Variants in CSMD1 observed in about 807,000 individuals in gnomAD.
The protein encoded by CSMD1 is CUB and Sushi multiple domains 1, also known as CUB and sushi domain-containing protein 1.
A neutral mutation model predicts 417.5 loss-of-function variants in CSMD1; 213 were observed. The ratio of observed to expected loss-of-function variants is 0.51; its 90% CI spans 0.46 to 0.57. CSMD1 has a LOEUF of 0.57. Among genes scored for constraint, CSMD1 ranks in the 20% least tolerant of loss-of-function variants. The pLI is 0.00. For synonymous variants in CSMD1, 2,862 were observed against 1,736.8 expected, an observed-to-expected ratio of 1.65 and a Z score of -16.11; for missense variants, 6,923 against 4,529.7, an observed-to-expected ratio of 1.53 and a Z score of -15.17.
chr8:4,903,155 A>C (rs1340881098), intron 1 of CSMD1, among the ~76,000 whole-genome samples: 1 of 152,240 alleles, frequency 6.6e-6, no homozygotes, highest in African/African-American at 2.4e-5. Context: ...AATCTTGAAC[A>C]GTTTGTAATG....
intron 7 of CSMD1, among the ~76,000 whole-genome samples, chr8:3,674,318 C>G (rs987925760): frequency 1.3e-5 from 2 of 152,140 alleles, no homozygotes; most frequent in African/African-American, 2.4e-5. Context: ...ATTCTTTGAA[C>G]TTACCATGTA....
intron 6 of CSMD1, among the ~76,000 whole-genome samples, chr8:3,749,563 G>A (rs775544958): frequency 6.6e-6 from 1 of 152,198 alleles, no homozygotes; most frequent in Non-Finnish European, 1.5e-5. Context: ...TATGTTGGTT[G>A]TCATTTATTT....
chr8:4,706,300 C>A (rs1396024034), intron 1 of CSMD1, among the ~76,000 whole-genome samples: 1 of 151,946 alleles, frequency 6.6e-6, no homozygotes, highest in Admixed American at 6.5e-5. Context: ...CTTACATGTA[C>A]CCCATGAAAT....
At chr8:4,192,909 T>C (rs531437189) in intron 3 of CSMD1, among the ~76,000 whole-genome samples, 12 of 152,306 alleles carry the variant, frequency 7.9e-5, no homozygotes, top group Admixed American at 3.3e-4. Flanking sequence ...TTTAAGGACA[T>C]ACTCACTTTA....
chr8:2,973,235 G>A lies in CSMD1; in HGVS notation c.8805C>T (p.Asp2935=). ...AGCGGAGAAGACTCTTTGTCTTAAAGTCATCACCAAGCCGAGACCCATGTG... is the reference window on the plus strand; with the variant it reads ...AGCGGAGAAGACTCTTTGTCTTAAAATCATCACCAAGCCGAGACCCATGTG... ...TPAHGSRLGD[D]FKTKSLLRFS... is the part of the protein sequence containing the mutation. Residue 2935 remains aspartate, a synonymous_variant, in exon 57 of 70, where the codon GAC becomes GAT. Transcript: ENST00000635120. 9.9e-6 allele frequency: 16 copies of A among 1,613,946 alleles called. No homozygotes were observed. Among genetic ancestry groups the A allele is most frequent in the Non-Finnish European group, 1.1e-5 (13 of 1,179,864 alleles).
intron 48 of CSMD1, among the ~76,000 whole-genome samples, chr8:3,088,435 C>A (rs1489897061): frequency 6.6e-6 from 1 of 152,140 alleles, no homozygotes; most frequent in Non-Finnish European, 1.5e-5. Flanking sequence ...TATAAAAGCA[C>A]ACACACGCAG....
chr8:4,042,972 G>GA (rs148720607), intron 3 of CSMD1, among the ~76,000 whole-genome samples: 6,224 of 149,388 alleles, frequency 0.042, 389 homozygotes, highest in African/African-American at 0.13. Context: ...CTAAATATGG[G>GA]AAAAAAAAAA....
intron 1 of CSMD1, among the ~76,000 whole-genome samples, chr8:4,721,848 A>T (rs957552700): frequency 7.9e-5 from 12 of 152,210 alleles, no homozygotes; most frequent in African/African-American, 2.9e-4. Context: ...TCAGCTTTAC[A>T]AAAGGAGATA....
chr8:4,840,813 G>A lies in CSMD1; in HGVS notation c.85+153519C>T, dbSNP rs572533705. Among the ~76,000 whole-genome samples, 63 of 152,224 alleles carry A rather than the reference G, an allele frequency of 4.1e-4. 1 individual carries two copies. Among genetic ancestry groups the A allele is most frequent in the Non-Finnish European group, 8.1e-4 (55 of 68,010 alleles). On this transcript the variant is annotated intron_variant, in intron 1 of 69. Coordinates refer to ENST00000635120, the MANE Select transcript of CSMD1 (RefSeq NM_033225.6). ...TGCACAGGGCTTTTATACCAGGTAGGATTAAGTATAGAATCATGAGTAATC... is the reference window on the plus strand; with the variant it reads ...TGCACAGGGCTTTTATACCAGGTAGAATTAAGTATAGAATCATGAGTAATC...
At chr8:4,763,286 G>GTAGA (rs1812236600) in intron 1 of CSMD1, among the ~76,000 whole-genome samples, 1 of 152,084 alleles carries the variant, frequency 6.6e-6, no homozygotes, top group Non-Finnish European at 1.5e-5. Context: ...CATGTGCTTT[G>GTAGA]TAGATATAAA....
intron 2 of CSMD1, among the ~76,000 whole-genome samples, chr8:4,492,759 A>G (rs1480361075): frequency 6.6e-6 from 1 of 152,228 alleles, no homozygotes; most frequent in East Asian, 1.9e-4. Flanking sequence ...AAGCAACTCT[A>G]TGGGACACAA....
intron 3 of CSMD1, among the ~76,000 whole-genome samples, chr8:4,326,954 G>T (rs573573246): frequency 6.6e-6 from 1 of 152,164 alleles, no homozygotes; most frequent in East Asian, 1.9e-4. Flanking sequence ...CTTTGGAAGT[G>T]CAGGTGAAAA....
chr8:4,701,097 G>T (rs188690814), intron 1 of CSMD1, among the ~76,000 whole-genome samples: 1 of 152,170 alleles, frequency 6.6e-6, no homozygotes, highest in Admixed American at 6.5e-5. Context: ...GGTAGAGTTA[G>T]GATGAAAGGT....
rs76631303 is a variant in CSMD1, at chr8:4,428,062, C to A, written c.303-7997G>T. On this transcript the variant is annotated intron_variant, in intron 2 of 69. Transcript: ENST00000635120. ...TGCTATTGTTAAGACATGAAGGTTA[C>A]ATGTCTCGTTTTCATATCAGACAAT... Among the ~76,000 whole-genome samples, 550 of 152,296 alleles carry A rather than the reference C, an allele frequency of 3.6e-3. 2 individuals carry two copies. The highest frequency in any genetic ancestry group is 0.013 in the African/African-American group (522 of 41,566).
chr8:3,964,638 A>C (rs539374802), intron 5 of CSMD1, among the ~76,000 whole-genome samples: 1 of 152,288 alleles, frequency 6.6e-6, no homozygotes, highest in East Asian at 1.9e-4. Context: ...GAAATATTTA[A>C]ATTTGCTATT....
intron 3 of CSMD1, among the ~76,000 whole-genome samples, chr8:4,156,780 T>G (rs961395806): frequency 2.6e-5 from 4 of 152,156 alleles, no homozygotes; most frequent in Non-Finnish European, 5.9e-5. Context: ...TACAGACTTT[T>G]GGGAAGGGCC....
intron 3 of CSMD1, among the ~76,000 whole-genome samples, chr8:4,118,402 CAA>C (rs56850233): frequency 0.23 from 29,680 of 127,110 alleles, 3,089 homozygotes; most frequent in East Asian, 0.34. Context: ...AAGAAATTTA[CAA>C]AAAAAAAAAA....
Position 3,356,709 on chromosome 8 carries a change from G to T in CSMD1, c.3304+2443C>A, listed in dbSNP as rs888476819. Among the ~76,000 whole-genome samples the T allele has an allele frequency of 7.9e-5, 12 of 152,142 alleles. No individual in the cohort carries two copies. In the East Asian group the frequency reaches 1.7e-3, roughly 22 times the overall value. The stretch of plus-strand genomic sequence containing the variant: ...ACAACAACAACAAAAAAACGTAATG[G>T]CAAAAACCGCAATTACTTTTGCACC... On this transcript the variant is annotated intron_variant, in intron 21 of 69. Coordinates refer to ENST00000635120, the MANE Select transcript of CSMD1 (RefSeq NM_033225.6).
At chr8:4,318,044 T>G (rs940594909) in intron 3 of CSMD1, among the ~76,000 whole-genome samples, 2 of 152,128 alleles carry the variant, frequency 1.3e-5, no homozygotes, top group South Asian at 4.1e-4. Flanking sequence ...ATATATAAAA[T>G]TGTGCGTTCG....
Sources: gnomAD v4.1 joint callset for allele counts (sites outside exome capture counted in the v4.1 genomes callset) on GRCh38, gnomAD v4.1.1 for gene constraint, MANE v1.5 for transcripts, NCBI Gene and HGNC (gene_info 2026-07-23, HGNC 2026-07-21) for gene names.